Variants in CALN1 observed in about 807,000 individuals in gnomAD.
The protein encoded by CALN1 is calneuron 1.
Under a neutral mutation model 30.6 loss-of-function variants are expected in CALN1, and 17 were observed. The ratio of observed to expected loss-of-function variants is 0.56; its 90% confidence interval spans 0.38 to 0.83. The LOEUF (loss-of-function observed/expected upper bound fraction) is 0.83, where lower values mean the gene tolerates loss of function less well. Ranked by LOEUF, CALN1 falls within the 40% of genes least tolerant of loss-of-function variation. The pLI, the probability that CALN1 is intolerant of heterozygous loss-of-function variation, is 0.00. For synonymous variants in CALN1, 156 were observed against 131.4 expected, an observed-to-expected ratio of 1.19 and a Z score of -1.28; for missense variants, 291 against 354.9, an observed-to-expected ratio of 0.82 and a Z score of 1.45.
At chr7:72,051,360 A>AT (rs1802827560) in intron 4 of CALN1, among the ~76,000 whole-genome samples, 1 of 152,148 alleles carries the variant, frequency 6.6e-6, no homozygotes, top group Non-Finnish European at 1.5e-5. Flanking sequence ...TCTATTTCAA[A>AT]TTTTTTGTGA....
At chr7:71,806,287 T>C (rs899440396) in intron 6 of CALN1, among the ~76,000 whole-genome samples, 2 of 136,852 alleles carry the variant, frequency 1.5e-5, no homozygotes, top group Non-Finnish European at 3.0e-5. Flanking sequence ...CACACACACA[T>C]GATTATAGTT....
chr7:71,814,502 A>G (rs908785582), intron 5 of CALN1, among the ~76,000 whole-genome samples: 6 of 152,108 alleles, frequency 3.9e-5, no homozygotes, highest in African/African-American at 1.4e-4. Context: ...ATTGATGAGC[A>G]AGAGTGTGGA....
Position 71,786,079 on chromosome 7 carries a change from A to G in CALN1, c.*1696T>C, listed in dbSNP as rs1012968499. ...CTGCCCTCAGGCTGTTGCCAGTAGC[A>G]CTTGCAGAGGTGAATGAGAAAACTT... On this transcript the variant is annotated 3_prime_UTR_variant, in exon 7 of 7. Transcript: ENST00000395275. 5 of 152,638 alleles carry G rather than the reference A, an allele frequency of 3.3e-5. No individual in the cohort carries two copies. Among genetic ancestry groups the G allele is most frequent in the African/African-American group, 7.2e-5 (3 of 41,458 alleles). 9.5% of individuals were successfully genotyped at this position (152,638 alleles called of 1,614,324 possible). A position where few individuals can be genotyped will look rare whatever the true frequency, so the allele number is the denominator to read the frequency against.
chr7:71,980,481 C>T (rs1344015649), intron 5 of CALN1, among the ~76,000 whole-genome samples: 4 of 152,156 alleles, frequency 2.6e-5, no homozygotes, highest in Admixed American at 6.5e-5. Context: ...TGAGCCACCA[C>T]GCCCAGCCAA....
At chr7:72,114,236 T>G (rs1807778955) in intron 3 of CALN1, among the ~76,000 whole-genome samples, 1 of 68,278 alleles carries the variant, frequency 1.5e-5, no homozygotes. Context: ...AAAGTAAAAA[T>G]AAAAGTTGAA....
intron 4 of CALN1, among the ~76,000 whole-genome samples, chr7:72,025,911 C>G (rs890960477): frequency 1.3e-5 from 2 of 152,116 alleles, no homozygotes; most frequent in Non-Finnish European, 2.9e-5. Context: ...TGTCCAGGAA[C>G]AGATCCCAGC....
intron 5 of CALN1, among the ~76,000 whole-genome samples, chr7:71,982,374 C>G (rs1187309020): frequency 6.6e-6 from 1 of 152,210 alleles, no homozygotes; most frequent in African/African-American, 2.4e-5. Flanking sequence ...GCAGGTGGAT[C>G]ACCTGAGGTC....
chr7:71,798,827 T>C (rs1339480502), intron 6 of CALN1, among the ~76,000 whole-genome samples: 1 of 151,834 alleles, frequency 6.6e-6, no homozygotes, highest in African/African-American at 2.4e-5. Flanking sequence ...GGTTTCACCA[T>C]GTTGGCCAGG....
chr7:71,847,750 A>AAAGAAGAAAGAAGAAG (rs1238300353), intron 5 of CALN1, among the ~76,000 whole-genome samples: 4 of 125,118 alleles, frequency 3.2e-5, no homozygotes, highest in Admixed American at 8.6e-5. Context: ...AAAGAAGAAG[A>AAAGAAGAAAGAAGAAG]AAGAAGAAAG....
chr7:72,267,184 T>A (rs182231281), intron 3 of CALN1, among the ~76,000 whole-genome samples: 1 of 152,168 alleles, frequency 6.6e-6, no homozygotes, highest in Non-Finnish European at 1.5e-5. Context: ...AAAAGGCAAG[T>A]TGAGTTTGCC....
upstream of CALN1, among the ~76,000 whole-genome samples, chr7:72,447,456 C>A (rs1314934220): frequency 6.6e-6 from 1 of 152,178 alleles, no homozygotes; most frequent in Non-Finnish European, 1.5e-5. Flanking sequence ...GTACCAAGGT[C>A]CTGCTCGCTG....
chr7:71,860,602 TG>T (rs2116657351), intron 5 of CALN1, among the ~76,000 whole-genome samples: 1 of 152,320 alleles, frequency 6.6e-6, no homozygotes, highest in Admixed American at 6.5e-5. Context: ...TCTTGGGGGC[TG>T]AATCAGGACC....
intron 2 of CALN1, among the ~76,000 whole-genome samples, chr7:72,373,182 C>T (rs762282237): frequency 2.0e-5 from 3 of 151,992 alleles, no homozygotes; most frequent in Non-Finnish European, 2.9e-5. Flanking sequence ...GAACATAGAC[C>T]TATACAAATC....
intron 5 of CALN1, among the ~76,000 whole-genome samples, chr7:71,879,897 C>T (rs1173276766): frequency 6.6e-6 from 1 of 152,152 alleles, no homozygotes; most frequent in Non-Finnish European, 1.5e-5. Flanking sequence ...TAATAAGCCA[C>T]TCTGGAACAC....
At chr7:72,463,977 AAGGGAAGG>A in the CALN1 span, among the ~76,000 whole-genome samples, 1 of 103,644 alleles carries the variant, frequency 9.6e-6, no homozygotes, top group Non-Finnish European at 1.8e-5. Flanking sequence ...GGAAGGAAGG[AAGGGAAGG>A]AGGGAGGGAG....
chr7:72,479,552 ATTTT>A, the CALN1 span, among the ~76,000 whole-genome samples: 1 of 130,776 alleles, frequency 7.6e-6, no homozygotes, highest in Admixed American at 7.9e-5. Context: ...TTATAGCACA[ATTTT>A]TTTTTTTTTT....
intron 3 of CALN1, among the ~76,000 whole-genome samples, chr7:72,247,527 T>C (rs1023726080): frequency 2.6e-5 from 4 of 152,060 alleles, no homozygotes; most frequent in Middle Eastern, 6.3e-3. Context: ...AGTGCTGGGA[T>C]TACAGGCATG....
At chr7:72,268,672 C>T (rs761562515) in intron 3 of CALN1, among the ~76,000 whole-genome samples, 9 of 151,902 alleles carry the variant, frequency 5.9e-5, no homozygotes, top group Non-Finnish European at 1.2e-4. Flanking sequence ...TGACATGCAC[C>T]TGTAGTCCTA....
At chr7:72,277,553 C>T (rs574254776) in intron 3 of CALN1, among the ~76,000 whole-genome samples, 2 of 152,170 alleles carry the variant, frequency 1.3e-5, no homozygotes, top group African/African-American at 2.4e-5. Context: ...CCCAGCCCAC[C>T]GGGGCCACAT....
Sources: allele counts gnomAD v4.1 joint callset (sites outside exome capture counted in the v4.1 genomes callset), GRCh38; gene constraint gnomAD v4.1.1; transcripts MANE v1.5; gene names NCBI Gene and HGNC (gene_info 2026-07-23, HGNC 2026-07-21).